The following SNTB2 variants were observed in gnomAD, a reference collection of about 807,000 sequenced individuals.
SNTB2 encodes the protein syntrophin beta 2.
In SNTB2, 34 loss-of-function variants were observed where a neutral mutation model predicts 46.2. The observed-to-expected ratio is 0.74, with a 90% CI of 0.56 to 0.98. SNTB2 has a LOEUF of 0.98. Among genes scored for constraint, SNTB2 ranks in the 50% least tolerant of loss-of-function variants. SNTB2 has a pLI of 0.00. For synonymous variants in SNTB2, 290 were observed against 312.6 expected, an observed-to-expected ratio of 0.93 and a Z score of 0.76; for missense variants, 603 against 731.4, an observed-to-expected ratio of 0.82 and a Z score of 2.02.
intron 4 of SNTB2, among the ~76,000 whole-genome samples, chr16:69,279,357 C>A (rs1965014584): frequency 1.3e-5 from 2 of 151,918 alleles, no homozygotes; most frequent in Non-Finnish European, 2.9e-5. Context: ...TATATTTATA[C>A]CAAATTGTCT....
intron 5 of SNTB2, among the ~76,000 whole-genome samples, chr16:69,293,614 G>A (rs1297497916): frequency 1.3e-5 from 2 of 152,140 alleles, no homozygotes; most frequent in African/African-American, 4.8e-5. Flanking sequence ...GGAGAGAGGG[G>A]GAGTGGTACT....
In SNTB2 at chr16:69,187,582, C is replaced by A; in HGVS notation, c.416C>A (p.Pro139Gln). 1 of 1,534,918 alleles carries A rather than the reference C, an allele frequency of 6.5e-7. No individual in the cohort carries two copies. Among genetic ancestry groups the A allele is most frequent in the Non-Finnish European group, 8.7e-7 (1 of 1,145,122 alleles). The stretch of plus-strand genomic sequence containing the variant: ...AAGGGCGGCCGCGAGAACCGGATGC[C>A]GATCCTCATCTCCAAGATCTTCCCC... ...SIKGGRENRM[P>Q]ILISKIFPGL... The change falls in exon 1 of 7, where the codon CCG becomes CAG. Residue 139 changes from proline to glutamine, a missense_variant. Physicochemically the swap from Pro to Gln is moderately conservative, Grantham distance 76 (BLOSUM62 -1). Transcript: ENST00000336278.
intron 4 of SNTB2, among the ~76,000 whole-genome samples, chr16:69,278,801 T>G (rs1007287058): frequency 6.6e-6 from 1 of 152,018 alleles, no homozygotes; most frequent in African/African-American, 2.4e-5. Context: ...ACCATCTTTT[T>G]GGGGGAGGGG....
chr16:69,245,789 C>T lies in SNTB2; in HGVS notation c.768C>T (p.Asn256=). 1.2e-6 allele frequency: 2 copies of T among 1,614,000 alleles called. No homozygotes were observed. The highest frequency in any genetic ancestry group is 1.7e-6 in the Non-Finnish European group (2 of 1,179,984). The part of the protein sequence containing the change: ...IPLKMCFAAR[N]LSMPDLENRL... ...TCAAAATGTGCTTTGCTGCTAGAAACCTAAGCATGCCGGATCTGGAAAACA... is the reference window on the plus strand; with the variant it reads ...TCAAAATGTGCTTTGCTGCTAGAAATCTAAGCATGCCGGATCTGGAAAACA... The change falls in exon 2 of 7, where the codon AAC becomes AAT. Residue 256 remains asparagine, a synonymous_variant. Coordinates refer to ENST00000336278, the MANE Select transcript of SNTB2 (RefSeq NM_006750.4).
At chr16:69,258,241 CT>C (rs902321446) in intron 2 of SNTB2, among the ~76,000 whole-genome samples, 1 of 150,910 alleles carries the variant, frequency 6.6e-6, no homozygotes. Context: ...ACACTAAAGG[CT>C]TTTTTTTTCC....
rs1237080299 is a variant in SNTB2, at chr16:69,304,261, G to T, written c.*3337G>T. ...AAGAAATACTTAAATATAAGTTCCT[G>T]CAGTATTTATTAGATAGTTGTAACT... is the stretch of plus-strand genomic sequence containing the variant. On this transcript the variant is annotated 3_prime_UTR_variant, in exon 7 of 7. Coordinates refer to ENST00000336278, the MANE Select transcript of SNTB2 (RefSeq NM_006750.4). The T allele has an allele frequency of 6.6e-6, 1 of 152,518 alleles. No individual in the cohort carries two copies. 9.4% of individuals were successfully genotyped at this position (152,518 alleles called of 1,614,324 possible). A position where few individuals can be genotyped will look rare whatever the true frequency, so the allele number is the denominator to read the frequency against.
At chr16:69,209,722 T>C (rs1179716950) in intron 1 of SNTB2, among the ~76,000 whole-genome samples, 1 of 152,216 alleles carries the variant, frequency 6.6e-6, no homozygotes, top group African/African-American at 2.4e-5. Context: ...AGATATGTTT[T>C]TGTTGAATGA....
At chr16:69,190,730 T>C (rs1358881924) in intron 1 of SNTB2, among the ~76,000 whole-genome samples, 2 of 152,044 alleles carry the variant, frequency 1.3e-5, no homozygotes, top group African/African-American at 4.8e-5. Context: ...GCCAGTAGGG[T>C]AGAGTAGAAG....
At position 69,187,174 on chromosome 16, in the gene SNTB2, T is replaced by C. The variant is rs1001536127; in HGVS notation, c.8T>C (p.Val3Ala). MR[V>A]AAATAAAGAG... ...CGAGGCTGCCTGACTGGAATGAGGGTAGCTGCGGCGACTGCGGCGGCTGGA... is the reference window on the plus strand; with the variant it reads ...CGAGGCTGCCTGACTGGAATGAGGGCAGCTGCGGCGACTGCGGCGGCTGGA... Residue 3 changes from valine (V) to alanine (A), a missense_variant, in exon 1 of 7, where the codon GTA becomes GCA. By Grantham distance (64) the Val-to-Ala change is moderately conservative. Around this residue, in one of 2 missense-constraint regions of SNTB2, gnomAD observed 66 missense variants for 39.0 expected, o/e 1.69. Coordinates refer to ENST00000336278, the MANE Select transcript of SNTB2 (RefSeq NM_006750.4). 5 of 1,370,186 alleles carry C rather than the reference T, an allele frequency of 3.6e-6. No homozygotes were observed. The highest frequency in any genetic ancestry group is 4.7e-6 in the Non-Finnish European group (5 of 1,059,208). 84.9% of individuals were successfully genotyped at this position (1,370,186 alleles called of 1,614,324 possible).
At chr16:69,261,486 G>A (rs1964834261) in intron 3 of SNTB2, among the ~76,000 whole-genome samples, 1 of 150,756 alleles carries the variant, frequency 6.6e-6, no homozygotes, top group Non-Finnish European at 1.5e-5. Flanking sequence ...TTTATTTTTT[G>A]CCACTTCTCA....
chr16:69,280,106 A>T (rs1489123280), intron 4 of SNTB2, among the ~76,000 whole-genome samples: 1 of 152,192 alleles, frequency 6.6e-6, no homozygotes, highest in African/African-American at 2.4e-5. Context: ...AACAAAGTAC[A>T]TCTTGCACCA....
chr16:69,264,237 G>T lies in SNTB2; in HGVS notation c.1005+3977G>T, dbSNP rs143253723. Among the ~76,000 whole-genome samples the T allele has an allele frequency of 1.8e-4, 27 of 152,282 alleles. No individual in the cohort carries two copies. In the East Asian group the frequency reaches 4.1e-3, roughly 23 times the overall value. On this transcript the variant is annotated intron_variant, in intron 3 of 6. Coordinates refer to ENST00000336278, the MANE Select transcript of SNTB2 (RefSeq NM_006750.4). The stretch of plus-strand genomic sequence containing the variant: ...CATTGTGAGGGGCAAAAAAGTCAGG[G>T]TTTAGCCCCAGCTAAGCCGAGGGCT...
Position 69,239,148 on chromosome 16 carries a change from T to C in SNTB2, c.581-6454T>C, listed in dbSNP as rs1964586327. 3.3e-5 allele frequency among the ~76,000 whole-genome samples: 5 copies of C among 152,132 alleles called. No homozygotes were observed. In the South Asian group the frequency reaches 1.0e-3, roughly 32 times the overall value. ...GGAATGTTTCTCCCAGATATTTGCA[T>C]GGCCAACTCCCCCATCTCCTAAAGT... On this transcript the variant is annotated intron_variant, in intron 1 of 6. Transcript: ENST00000336278.
chr16:69,230,176 T>C (rs924550972), intron 1 of SNTB2, among the ~76,000 whole-genome samples: 1 of 152,172 alleles, frequency 6.6e-6, no homozygotes, highest in African/African-American at 2.4e-5. Flanking sequence ...AAATGCTTAA[T>C]TTCTAAAATG....
intron 1 of SNTB2, among the ~76,000 whole-genome samples, chr16:69,193,170 C>A (rs1186375477): frequency 6.6e-6 from 1 of 151,192 alleles, no homozygotes; most frequent in Non-Finnish European, 1.5e-5. Context: ...GCAGTAGGAT[C>A]ACTTGAGGCC....
rs1171832539 is a variant in SNTB2 at position 69,304,976 on chromosome 16, T to G, written c.*4052T>G. The G allele has an allele frequency of 6.6e-6, 1 of 152,026 alleles. No individual in the cohort carries two copies. Among genetic ancestry groups the G allele is most frequent in the African/African-American group, 2.4e-5 (1 of 41,402 alleles). The allele number at this position is 152,026 out of a possible 1,614,324, so 9.4% of individuals were successfully genotyped here. On this transcript the variant is annotated 3_prime_UTR_variant, in exon 7 of 7. Transcript: ENST00000336278. The stretch of plus-strand genomic sequence containing the variant: ...AGCCACTGCACCTGGCCCCAGAAAT[T>G]ATGCTTAAAAAAAAAATTAAGCTGT...
chr16:69,281,318 G>A (rs1965041388), intron 4 of SNTB2, among the ~76,000 whole-genome samples: 1 of 150,470 alleles, frequency 6.6e-6, no homozygotes, highest in Non-Finnish European at 1.5e-5. Flanking sequence ...TGCAACCTCC[G>A]CCTCTCAGGT....
intron 3 of SNTB2, among the ~76,000 whole-genome samples, chr16:69,267,827 T>A (rs1057007108): frequency 2.6e-4 from 40 of 152,318 alleles, no homozygotes; most frequent in African/African-American, 9.6e-4. Context: ...CCTTCAGAAG[T>A]CTTTAAGGAA....
At chr16:69,250,045 G>A (rs896152259) in intron 2 of SNTB2, among the ~76,000 whole-genome samples, 3 of 152,050 alleles carry the variant, frequency 2.0e-5, no homozygotes, top group African/African-American at 7.2e-5. Context: ...GTTGCAGTGA[G>A]CTGAGATTGC....
Sources: gnomAD v4.1 joint callset for allele counts (sites outside exome capture counted in the v4.1 genomes callset) on GRCh38, gnomAD v4.1.1 for gene constraint, gnomAD v4.1.1 regional missense constraint, MANE v1.5 for transcripts, NCBI Gene and HGNC (gene_info 2026-07-23, HGNC 2026-07-21) for gene names.